Variants in UNC5C observed in about 807,000 individuals in gnomAD.
The protein encoded by UNC5C is netrin receptor UNC5C.
In UNC5C, 47 loss-of-function variants were observed where a neutral mutation model predicts 99.8. The observed-to-expected ratio is 0.47, with a 90% confidence interval of 0.37 to 0.60. UNC5C has a LOEUF of 0.60. Among genes scored for constraint, UNC5C ranks in the 20% least tolerant of loss-of-function variants. The pLI is 0.00. For synonymous variants in UNC5C, 487 were observed against 452.2 expected (o/e 1.08, Z -0.98); for missense variants, 1,062 against 1,165.9 (o/e 0.91, Z 1.30).
At chr4:95,411,119 A>G (rs1745974320) in intron 1 of UNC5C, among the ~76,000 whole-genome samples, 1 of 152,234 alleles carries the variant, frequency 6.6e-6, no homozygotes, top group Non-Finnish European at 1.5e-5. Flanking sequence ...CAAAGAAAAC[A>G]CATGCCACAG....
chr4:95,432,496 C>T (rs867699079), intron 1 of UNC5C, among the ~76,000 whole-genome samples: 11 of 151,906 alleles, frequency 7.2e-5, no homozygotes, highest in Admixed American at 2.0e-4. Flanking sequence ...GGCGTTTTGC[C>T]TACACCAAGA....
At chr4:95,188,891 G>T (rs542227166) in intron 12 of UNC5C, among the ~76,000 whole-genome samples, 1 of 152,232 alleles carries the variant, frequency 6.6e-6, no homozygotes, top group East Asian at 1.9e-4. Flanking sequence ...ATGGGGGTTG[G>T]GGGGTGACCT....
At chr4:95,252,451 G>A (rs112904620) in intron 4 of UNC5C, among the ~76,000 whole-genome samples, 4 of 152,036 alleles carry the variant, frequency 2.6e-5, no homozygotes, top group Non-Finnish European at 5.9e-5. Flanking sequence ...TCAGGCTCAC[G>A]GATTGTTTTT....
chr4:95,319,401 G>T (rs1185700010), intron 2 of UNC5C, among the ~76,000 whole-genome samples: 1 of 152,080 alleles, frequency 6.6e-6, no homozygotes, highest in African/African-American at 2.4e-5. Context: ...TTATAATCAG[G>T]TTAAGCCTTT....
At chr4:95,514,464 C>T (rs531065476) in intron 1 of UNC5C, among the ~76,000 whole-genome samples, 60 of 151,902 alleles carry the variant, frequency 3.9e-4, no homozygotes, top group African/African-American at 1.2e-3. Flanking sequence ...ATCTCTGAGA[C>T]GCCTTCTTTG....
chr4:95,203,448 A>G (rs1737762811), intron 11 of UNC5C, among the ~76,000 whole-genome samples: 1 of 152,016 alleles, frequency 6.6e-6, no homozygotes, highest in Non-Finnish European at 1.5e-5. Flanking sequence ...TTGGGTCAGT[A>G]TACTTCTTTT....
intron 1 of UNC5C, among the ~76,000 whole-genome samples, chr4:95,489,649 T>C (rs188839957): frequency 6.6e-6 from 1 of 151,806 alleles, no homozygotes; most frequent in East Asian, 2.0e-4. Flanking sequence ...TGGAGAGATG[T>C]ATGTGTGGGA....
intron 1 of UNC5C, among the ~76,000 whole-genome samples, chr4:95,429,024 T>C (rs953832801): frequency 3.9e-5 from 6 of 152,052 alleles, no homozygotes; most frequent in African/African-American, 1.4e-4. Flanking sequence ...ATCTAAAAGC[T>C]TTCTGCTCTT....
intron 1 of UNC5C, among the ~76,000 whole-genome samples, chr4:95,537,041 C>A (rs770231174): frequency 6.6e-6 from 1 of 152,066 alleles, no homozygotes; most frequent in Non-Finnish European, 1.5e-5. Context: ...TCTCTGCCAC[C>A]CCACTACGGT....
intron 1 of UNC5C, among the ~76,000 whole-genome samples, chr4:95,510,020 T>C (rs1722028602): frequency 6.6e-6 from 1 of 151,958 alleles, no homozygotes; most frequent in African/African-American, 2.4e-5. Context: ...GTCCTCTCCG[T>C]ATTTTACGTA....
At chr4:95,210,684 T>A (rs1560734297) in intron 10 of UNC5C, among the ~76,000 whole-genome samples, 1 of 152,218 alleles carries the variant, frequency 6.6e-6, no homozygotes, top group Non-Finnish European at 1.5e-5. Context: ...ATGATTAAAA[T>A]TTTAAATGTT....
chr4:95,469,117 G>A (rs1747887804), intron 1 of UNC5C, among the ~76,000 whole-genome samples: 1 of 152,060 alleles, frequency 6.6e-6, no homozygotes, highest in South Asian at 2.1e-4. Flanking sequence ...CTTAATTGCT[G>A]GAGCTCACTT....
At chr4:95,432,943 C>T (rs1450289282) in intron 1 of UNC5C, among the ~76,000 whole-genome samples, 1 of 152,170 alleles carries the variant, frequency 6.6e-6, no homozygotes, top group Non-Finnish European at 1.5e-5. Context: ...CTACTGAATA[C>T]ACTGAGACTC....
rs370742770 is a variant in UNC5C at position 95,165,802 on chromosome 4, C to A, written c.*3432G>T. 9 of 152,150 alleles carry A rather than the reference C, an allele frequency of 5.9e-5. No individual in the cohort carries two copies. Among genetic ancestry groups the A allele is most frequent in the African/African-American group, 2.2e-4 (9 of 41,512 alleles). 9.4% of individuals were successfully genotyped at this position (152,150 alleles called of 1,614,324 possible). A position where few individuals can be genotyped will look rare whatever the true frequency, so the allele number is the denominator to read the frequency against. Reference sequence around the variant, plus strand: ...AAGGAGATTTAAAGTATACAAACCCCAATGAAAACCATAAGTGTTAAAAAT... The same window carrying A: ...AAGGAGATTTAAAGTATACAAACCCAAATGAAAACCATAAGTGTTAAAAAT... On this transcript the variant is annotated 3_prime_UTR_variant, in exon 16 of 16. Transcript: ENST00000453304.
intron 3 of UNC5C, among the ~76,000 whole-genome samples, chr4:95,278,913 CTTATT>C (rs1282088829): frequency 6.6e-6 from 1 of 151,996 alleles, no homozygotes; most frequent in Non-Finnish European, 1.5e-5. Flanking sequence ...TTTGGCAGTC[CTTATT>C]TTAACAATTA....
At chr4:95,383,229 C>T (rs920066537) in intron 1 of UNC5C, among the ~76,000 whole-genome samples, 22 of 151,754 alleles carry the variant, frequency 1.4e-4, no homozygotes, top group African/African-American at 5.1e-4. Flanking sequence ...AAGGACACAT[C>T]AGTTATCTGA....
intron 1 of UNC5C, among the ~76,000 whole-genome samples, chr4:95,350,226 G>A (rs886945851): frequency 1.3e-5 from 2 of 152,038 alleles, no homozygotes; most frequent in Admixed American, 6.6e-5. Flanking sequence ...GATGGTTCAC[G>A]CCTGTAATTC....
chr4:95,484,364 C>G (rs554110880), intron 1 of UNC5C, among the ~76,000 whole-genome samples: 1 of 151,936 alleles, frequency 6.6e-6, no homozygotes, highest in Non-Finnish European at 1.5e-5. Flanking sequence ...ATTTTCCAAA[C>G]CAGTGTGAGA....
intron 8 of UNC5C, 110 bp from the exon 9 acceptor site, chr4:95,219,423 A>T (rs1738383567): frequency 1.0e-6 from 1 of 990,534 alleles, no homozygotes; most frequent in Non-Finnish European, 1.5e-6. Flanking sequence ...AGCTCAGCTA[A>T]TATCGGAGAT....
Sources: gnomAD v4.1 joint callset for allele counts (sites outside exome capture counted in the v4.1 genomes callset) on GRCh38, gnomAD v4.1.1 for gene constraint, MANE v1.5 for transcripts, NCBI Gene and HGNC (gene_info 2026-07-23, HGNC 2026-07-21) for gene names.